Variants in NDUFS4 observed in about 807,000 individuals in gnomAD.
NDUFS4 encodes the protein NADH dehydrogenase [ubiquinone] iron-sulfur protein 4, mitochondrial.
NDUFS4 carries 28 observed loss-of-function variants against 24.3 expected under a neutral mutation model. The observed-to-expected ratio is 1.15, with a 90% CI of 0.85 to 1.58. The LOEUF (loss-of-function observed/expected upper bound fraction) is 1.58, where lower values mean the gene tolerates loss of function less well. NDUFS4 is among the 40% of genes most tolerant of loss of function. The pLI is 0.00. For missense variants in NDUFS4, 223 were observed against 207.9 expected, an observed-to-expected ratio of 1.07 and a Z score of -0.45; for synonymous variants, 93 against 69.7, an observed-to-expected ratio of 1.34 and a Z score of -1.67.
intron 1 of NDUFS4, among the ~76,000 whole-genome samples, chr5:53,583,753 A>G (rs1749651438): frequency 6.6e-6 from 1 of 152,192 alleles, no homozygotes. Context: ...ATGGGTGGCA[A>G]GATAAGACGC....
chr5:53,657,484 A>G (rs1017457895), intron 3 of NDUFS4, among the ~76,000 whole-genome samples: 2 of 152,108 alleles, frequency 1.3e-5, no homozygotes, highest in South Asian at 2.1e-4. Flanking sequence ...TATATCTCAT[A>G]TCTTTCCCCA....
chr5:53,664,234 C>T (rs1038229107), intron 4 of NDUFS4, among the ~76,000 whole-genome samples: 1 of 152,152 alleles, frequency 6.6e-6, no homozygotes, highest in Non-Finnish European at 1.5e-5. Context: ...TTGTGGGTAA[C>T]CCGACCTTTC....
intron 2 of NDUFS4, among the ~76,000 whole-genome samples, chr5:53,639,049 A>G (rs1254056637): frequency 6.6e-6 from 1 of 151,866 alleles, no homozygotes; most frequent in East Asian, 1.9e-4. Context: ...ATTCTGGCAA[A>G]CCAGTTATTT....
chr5:53,618,682 A>G (rs926675590), intron 2 of NDUFS4, among the ~76,000 whole-genome samples: 6 of 152,304 alleles, frequency 3.9e-5, no homozygotes, highest in African/African-American at 1.2e-4. Context: ...GTGTATTGCT[A>G]TATAATTATC....
intron 4 of NDUFS4, among the ~76,000 whole-genome samples, chr5:53,667,750 A>T (rs1579937965): frequency 6.6e-6 from 1 of 152,238 alleles, no homozygotes. Flanking sequence ...AGAGGCTGGT[A>T]ACTAAGACTC....
intron 2 of NDUFS4, among the ~76,000 whole-genome samples, chr5:53,634,857 G>A (rs141139609): frequency 2.0e-5 from 3 of 151,930 alleles, no homozygotes; most frequent in East Asian, 3.9e-4. Flanking sequence ...AAGCTGCCAG[G>A]TATCCTAAGA....
intron 1 of NDUFS4, among the ~76,000 whole-genome samples, chr5:53,599,962 T>C (rs1038240145): frequency 6.6e-6 from 1 of 152,026 alleles, no homozygotes; most frequent in Non-Finnish European, 1.5e-5. Flanking sequence ...TTACTATAGA[T>C]TATACTTTGT....
intron 1 of NDUFS4, among the ~76,000 whole-genome samples, chr5:53,562,345 AC>A (rs1748877590): frequency 6.6e-6 from 1 of 152,172 alleles, no homozygotes; most frequent in African/African-American, 2.4e-5. Context: ...ATAATAATGT[AC>A]TCATGGTAGC....
chr5:53,574,910 CAG>C (rs1376723027), intron 1 of NDUFS4, among the ~76,000 whole-genome samples: 1 of 152,060 alleles, frequency 6.6e-6, no homozygotes, highest in Non-Finnish European at 1.5e-5. Flanking sequence ...GACTAGAGGA[CAG>C]AGAGAGAAAA....
chr5:53,666,293 C>G (rs543783701), intron 4 of NDUFS4, among the ~76,000 whole-genome samples: 1 of 152,250 alleles, frequency 6.6e-6, no homozygotes, highest in South Asian at 2.1e-4. Context: ...CCTGGTTAGT[C>G]TTTCTCTAAG....
intron 2 of NDUFS4, chr5:53,604,870 G>C (rs530588100): frequency 2.2e-6 from 1 of 456,196 alleles, no homozygotes; most frequent in Non-Finnish European, 4.4e-6. Flanking sequence ...ACTTCATCCG[G>C]TCACCATCTA....
chr5:53,631,809 G>A (rs1751418358), intron 2 of NDUFS4, among the ~76,000 whole-genome samples: 1 of 152,176 alleles, frequency 6.6e-6, no homozygotes, highest in Non-Finnish European at 1.5e-5. Flanking sequence ...TAGCTTTCAT[G>A]GGCTTCATGG....
intron 1 of NDUFS4, among the ~76,000 whole-genome samples, chr5:53,586,702 T>A: frequency 6.6e-6 from 1 of 152,130 alleles, no homozygotes; most frequent in East Asian, 1.9e-4. Context: ...TTTTGTATTT[T>A]TTAGTAGAGA....
At chr5:53,658,847 T>C in intron 4 of NDUFS4, 1 of 478,566 alleles carries the variant, frequency 2.1e-6, no homozygotes, top group East Asian at 3.4e-5. Flanking sequence ...GACAGACTGC[T>C]CTAATTTGAA....
chr5:53,564,289 A>T (rs1182109076), intron 1 of NDUFS4, among the ~76,000 whole-genome samples: 1 of 152,208 alleles, frequency 6.6e-6, no homozygotes, highest in Non-Finnish European at 1.5e-5. Flanking sequence ...GCTGGGAAAT[A>T]GGCTAAGCTC....
At chr5:53,573,511 G>A (rs975691742) in intron 1 of NDUFS4, 18 of 434,606 alleles carry the variant, frequency 4.1e-5, no homozygotes, top group Non-Finnish European at 6.8e-5. Context: ...TCCTGTATAT[G>A]TTTCGTTAGA....
chr5:53,644,058 C>G (rs1158532468), intron 2 of NDUFS4, among the ~76,000 whole-genome samples: 3 of 152,026 alleles, frequency 2.0e-5, no homozygotes, highest in African/African-American at 4.8e-5. Flanking sequence ...CTTTGTAGCT[C>G]AAATACTGTT....
At chr5:53,675,832 CAG>C (rs1288971845) in intron 4 of NDUFS4, among the ~76,000 whole-genome samples, 1 of 152,034 alleles carries the variant, frequency 6.6e-6, no homozygotes, top group Non-Finnish European at 1.5e-5. Context: ...AGCAAAAGAC[CAG>C]AGTCAGAGTC....
At chr5:53,598,043 C>T (rs1358636321) in intron 1 of NDUFS4, among the ~76,000 whole-genome samples, 1 of 152,120 alleles carries the variant, frequency 6.6e-6, no homozygotes, top group Non-Finnish European at 1.5e-5. Context: ...CAAATTAAAA[C>T]AACAATGAAA....
Sources: allele counts gnomAD v4.1 joint callset (sites outside exome capture counted in the v4.1 genomes callset), GRCh38; gene constraint gnomAD v4.1.1; transcripts MANE v1.5; gene names NCBI Gene and HGNC (gene_info 2026-07-23, HGNC 2026-07-21).